MACROD2: variants seen among roughly 807,000 people sequenced by gnomAD.
MACROD2 encodes mono-ADP ribosylhydrolase 2.
In MACROD2, 36 loss-of-function variants were observed where a neutral mutation model predicts 70.4. The observed-to-expected ratio is 0.51, with a 90% CI of 0.39 to 0.68. The LOEUF (loss-of-function observed/expected upper bound fraction) is 0.68, where lower values mean the gene tolerates loss of function less well. Ranked by LOEUF, MACROD2 falls within the 30% of genes least tolerant of loss-of-function variation. MACROD2 has a pLI of 0.00. For synonymous variants in MACROD2, 172 were observed against 178.8 expected (o/e 0.96, Z 0.30); for missense variants, 496 against 538.4 (o/e 0.92, Z 0.78).
intron 4 of MACROD2, among the ~76,000 whole-genome samples, chr20:14,631,089 A>G (rs1984482610): frequency 6.6e-6 from 1 of 152,158 alleles, no homozygotes; most frequent in African/African-American, 2.4e-5. Flanking sequence ...GTTAAATGAA[A>G]TTTACAAGAG....
At chr20:15,714,926 A>G (rs747419639) in intron 8 of MACROD2, among the ~76,000 whole-genome samples, 9 of 152,114 alleles carry the variant, frequency 5.9e-5, no homozygotes, top group Non-Finnish European at 1.2e-4. Flanking sequence ...AGTTTTTTCA[A>G]TTAAATACTC....
chr20:14,654,869 C>A (rs1985886091), intron 4 of MACROD2, among the ~76,000 whole-genome samples: 1 of 152,106 alleles, frequency 6.6e-6, no homozygotes, highest in African/African-American at 2.4e-5. Flanking sequence ...AACTACAATA[C>A]CTTTGGAGGT....
rs11467421 is a variant in MACROD2 at position 15,478,553 on chromosome 20, CTGTG to C, written c.572-21203_572-21200del. On this transcript the variant is annotated intron_variant, in intron 7 of 17. Transcript: ENST00000684519. ...TGCGTGCATGACTGTGTGTGTGTGT[CTGTG>C]TGTGTGTGTGTGTGTGTTTCTTCCT... Among the ~76,000 whole-genome samples the C allele has an allele frequency of 1.3e-3, 196 of 149,652 alleles. 5 individuals are homozygous for C. Among genetic ancestry groups the C allele is most frequent in the Non-Finnish European group, 1.4e-3 (91 of 67,284 alleles).
At chr20:14,771,994 GTCAAAGT>G (rs1280144789) in intron 5 of MACROD2, among the ~76,000 whole-genome samples, 1 of 151,960 alleles carries the variant, frequency 6.6e-6, no homozygotes, top group Non-Finnish European at 1.5e-5. Flanking sequence ...ACTGTGTAAT[GTCAAAGT>G]TCAAAAAGCA....
chr20:14,682,196 G>A (rs774829163), intron 4 of MACROD2, among the ~76,000 whole-genome samples: 2 of 152,060 alleles, frequency 1.3e-5, no homozygotes, highest in Non-Finnish European at 2.9e-5. Flanking sequence ...AGTATACTAG[G>A]AAATCCTATT....
intron 8 of MACROD2, among the ~76,000 whole-genome samples, chr20:15,554,041 G>T (rs964752480): frequency 6.6e-6 from 1 of 152,226 alleles, no homozygotes; most frequent in East Asian, 1.9e-4. Context: ...AAAAATAAGG[G>T]AGAGGGCTAT....
At chr20:14,675,237 C>G (rs982868565) in intron 4 of MACROD2, among the ~76,000 whole-genome samples, 2 of 152,068 alleles carry the variant, frequency 1.3e-5, no homozygotes, top group African/African-American at 4.8e-5. Flanking sequence ...AGAGCAACCA[C>G]AAGACACATA....
chr20:15,412,838 T>A (rs75276716), intron 6 of MACROD2, among the ~76,000 whole-genome samples: 1 of 152,164 alleles, frequency 6.6e-6, no homozygotes, highest in African/African-American at 2.4e-5. Context: ...CTAAATTTCT[T>A]ATCTGGACAA....
At chr20:15,253,530 A>C (rs1047555731) in intron 6 of MACROD2, among the ~76,000 whole-genome samples, 1 of 152,216 alleles carries the variant, frequency 6.6e-6, no homozygotes, top group Non-Finnish European at 1.5e-5. Flanking sequence ...AATACAAGGA[A>C]TCATTTCATA....
chr20:14,674,650 G>A (rs1361724397), intron 4 of MACROD2, among the ~76,000 whole-genome samples: 3 of 152,110 alleles, frequency 2.0e-5, no homozygotes, highest in African/African-American at 7.2e-5. Flanking sequence ...AAGCTTTCAA[G>A]TCACTTAGCA....
intron 3 of MACROD2, among the ~76,000 whole-genome samples, chr20:14,145,898 G>T (rs1190688230): frequency 6.6e-6 from 1 of 152,152 alleles, no homozygotes; most frequent in Non-Finnish European, 1.5e-5. Flanking sequence ...TAACATAATT[G>T]TTTTGTGCAT....
chr20:14,209,968 T>C (rs2081557270), intron 3 of MACROD2, among the ~76,000 whole-genome samples: 1 of 152,214 alleles, frequency 6.6e-6, no homozygotes, highest in Non-Finnish European at 1.5e-5. Context: ...AATACAAGTT[T>C]ACTGTATTTT....
chr20:15,646,741 C>T (rs180738148), intron 8 of MACROD2, among the ~76,000 whole-genome samples: 1 of 152,320 alleles, frequency 6.6e-6, no homozygotes, highest in Non-Finnish European at 1.5e-5. Context: ...TCGATTGGCA[C>T]TTCTCTTTCC....
chr20:14,898,755 C>T (rs904582085), intron 5 of MACROD2, among the ~76,000 whole-genome samples: 1 of 152,096 alleles, frequency 6.6e-6, no homozygotes, highest in Non-Finnish European at 1.5e-5. Context: ...AGAGATTCAA[C>T]GTTCTAAGCA....
chr20:14,962,877 A>G (rs1442017480), intron 5 of MACROD2, among the ~76,000 whole-genome samples: 2 of 147,052 alleles, frequency 1.4e-5, no homozygotes, highest in African/African-American at 5.4e-5. Flanking sequence ...TTGTTTGGGG[A>G]AAAAAAACTC....
At chr20:15,695,572 G>A (rs919053895) in intron 8 of MACROD2, among the ~76,000 whole-genome samples, 2 of 151,764 alleles carry the variant, frequency 1.3e-5, no homozygotes, top group Non-Finnish European at 2.9e-5. Flanking sequence ...TACCACACTC[G>A]GCTAATTTTT....
chr20:14,188,667 G>A (rs934716579), intron 3 of MACROD2, among the ~76,000 whole-genome samples: 4 of 152,146 alleles, frequency 2.6e-5, no homozygotes, highest in South Asian at 2.1e-4. Flanking sequence ...TTAAGATACC[G>A]CTGCAAGATA....
chr20:14,395,216 G>A (rs1384875588), intron 3 of MACROD2, among the ~76,000 whole-genome samples: 1 of 151,948 alleles, frequency 6.6e-6, no homozygotes, highest in Non-Finnish European at 1.5e-5. Flanking sequence ...TGGTCCTGGA[G>A]TGATTATTGA....
intron 8 of MACROD2, among the ~76,000 whole-genome samples, chr20:15,586,552 A>G (rs1182274277): frequency 6.6e-6 from 1 of 152,230 alleles, no homozygotes; most frequent in Non-Finnish European, 1.5e-5. Context: ...TGATCTCAAT[A>G]TAAAAGCCAG....
Sources: gnomAD v4.1 joint callset for allele counts (sites outside exome capture counted in the v4.1 genomes callset) on GRCh38, gnomAD v4.1.1 for gene constraint, MANE v1.5 for transcripts, NCBI Gene and HGNC (gene_info 2026-07-23, HGNC 2026-07-21) for gene names.